Variants in MPPED2 observed in about 807,000 individuals in gnomAD.
MPPED2 encodes metallophosphoesterase domain containing 2.
Under a neutral mutation model 33.0 loss-of-function variants are expected in MPPED2, and 5 were observed. That is an observed-to-expected ratio of 0.15 (90% CI 0.08 to 0.32). MPPED2 has a LOEUF of 0.32. Among genes scored for constraint, MPPED2 ranks in the 10% least tolerant of loss-of-function variants. The pLI, the probability that MPPED2 is intolerant of heterozygous loss-of-function variation, is 1.00. For synonymous variants in MPPED2, 136 were observed against 141.9 expected (o/e 0.96, Z 0.29); for missense variants, 275 against 372.1 (o/e 0.74, Z 2.15).
intron 3 of MPPED2, among the ~76,000 whole-genome samples, chr11:30,534,527 T>A (rs1954704621): frequency 6.6e-6 from 1 of 152,202 alleles, no homozygotes; most frequent in Non-Finnish European, 1.5e-5. Context: ...TTAAATAACA[T>A]GATTAAGTAC....
In MPPED2 at chr11:30,533,353, G is replaced by C. The variant is rs1954634915; in HGVS notation, c.310+2641C>G. Among the ~76,000 whole-genome samples the C allele has an allele frequency of 3.9e-5, 6 of 152,256 alleles. No individual in the cohort carries two copies. The South Asian group carries it at 1.2e-3, about 32-fold the overall frequency. On this transcript the variant is annotated intron_variant, in intron 3 of 6. Coordinates refer to ENST00000358117, the MANE Select transcript of MPPED2 (RefSeq NM_001584.3). The stretch of plus-strand genomic sequence containing the variant: ...AATAAAGGAGCTTGGGGGACAGTCA[G>C]GTTGTTTTCAATAATCAGGGTAGTC...
At chr11:30,580,782 T>C (rs1229486876) in intron 1 of MPPED2, among the ~76,000 whole-genome samples, 3 of 152,212 alleles carry the variant, frequency 2.0e-5, no homozygotes, top group Non-Finnish European at 4.4e-5. Flanking sequence ...GGAAGGGGCA[T>C]ATCCACCGTT....
chr11:30,570,994 A>G (rs1024954782), intron 2 of MPPED2, among the ~76,000 whole-genome samples: 9 of 152,214 alleles, frequency 5.9e-5, no homozygotes, highest in Admixed American at 5.2e-4. Flanking sequence ...AGTAGAGTCC[A>G]TGTTTTGATG....
At chr11:30,524,705 C>T (rs1251327526) in intron 3 of MPPED2, among the ~76,000 whole-genome samples, 1 of 152,120 alleles carries the variant, frequency 6.6e-6, no homozygotes, top group Non-Finnish European at 1.5e-5. Flanking sequence ...GTCAGAAAGA[C>T]ACTCAGGAAG....
At chr11:30,517,623 C>T (rs1953606674) in intron 3 of MPPED2, among the ~76,000 whole-genome samples, 1 of 152,132 alleles carries the variant, frequency 6.6e-6, no homozygotes, top group Non-Finnish European at 1.5e-5. Context: ...TGTCCTTCCT[C>T]ATCCTGCATG....
intron 2 of MPPED2, among the ~76,000 whole-genome samples, chr11:30,562,999 T>C (rs147969932): frequency 2.6e-4 from 39 of 152,294 alleles, no homozygotes; most frequent in Middle Eastern, 3.4e-3. Flanking sequence ...ATTAATTTGT[T>C]CATCAATAAT....
intron 2 of MPPED2, among the ~76,000 whole-genome samples, chr11:30,564,908 G>A (rs866071542): frequency 6.6e-5 from 10 of 152,118 alleles, no homozygotes; most frequent in South Asian, 2.1e-4. Context: ...TCTGAGTAGC[G>A]TGGCTGTTCA....
chr11:30,452,536 G>C (rs1950106037), intron 4 of MPPED2, among the ~76,000 whole-genome samples: 1 of 152,216 alleles, frequency 6.6e-6, no homozygotes, highest in Non-Finnish European at 1.5e-5. Flanking sequence ...TGCAGTGTTT[G>C]TGAGAAATGA....
intron 2 of MPPED2, among the ~76,000 whole-genome samples, chr11:30,546,002 G>T (rs915753789): frequency 1.9e-4 from 29 of 152,088 alleles, no homozygotes; most frequent in African/African-American, 6.8e-4. Context: ...TGGGACTGCA[G>T]GTGTCTGCCA....
chr11:30,390,076 T>C (rs546697245), intron 6 of MPPED2, among the ~76,000 whole-genome samples: 1 of 152,258 alleles, frequency 6.6e-6, no homozygotes, highest in African/African-American at 2.4e-5. Context: ...TGCAGGCATC[T>C]AACTAGCATT....
At position 30,547,401 on chromosome 11, in the gene MPPED2, CA is replaced by C. The variant is rs149518330; in HGVS notation, c.129-11227del. ...ATATTTAGCAGTATTTACTATGTGC[CA>C]GGGGCTTTTTCTAAATTATTACCTT... On this transcript the variant is annotated intron_variant, in intron 2 of 6. Coordinates refer to ENST00000358117, the MANE Select transcript of MPPED2 (RefSeq NM_001584.3). Among the ~76,000 whole-genome samples, 84 of 152,260 alleles carry C rather than the reference CA, an allele frequency of 5.5e-4. 1 individual carries two copies. The East Asian group carries it at 0.015, about 28-fold the overall frequency.
chr11:30,499,591 C>T (rs1004792670), intron 3 of MPPED2, among the ~76,000 whole-genome samples: 1 of 152,168 alleles, frequency 6.6e-6, no homozygotes, highest in African/African-American at 2.4e-5. Context: ...TCTCTCTATA[C>T]ATTGAATCCT....
At chr11:30,565,069 G>C (rs1210621128) in intron 2 of MPPED2, among the ~76,000 whole-genome samples, 1 of 152,082 alleles carries the variant, frequency 6.6e-6, no homozygotes, top group African/African-American at 2.4e-5. Flanking sequence ...GAAAAAAATG[G>C]GTAGAGAAAT....
At chr11:30,514,884 G>A (rs943810399) in intron 3 of MPPED2, among the ~76,000 whole-genome samples, 13 of 152,160 alleles carry the variant, frequency 8.5e-5, no homozygotes, top group Admixed American at 3.9e-4. Flanking sequence ...CAGATCACTG[G>A]AGGTTAGGAG....
intron 2 of MPPED2, among the ~76,000 whole-genome samples, chr11:30,560,414 A>G (rs2134711543): frequency 6.6e-6 from 1 of 152,214 alleles, no homozygotes; most frequent in Non-Finnish European, 1.5e-5. Context: ...TACTCTTAGT[A>G]AGCAGAAGTT....
At chr11:30,423,111 C>A (rs571621607) in intron 4 of MPPED2, among the ~76,000 whole-genome samples, 2 of 152,110 alleles carry the variant, frequency 1.3e-5, no homozygotes, top group Non-Finnish European at 2.9e-5. Context: ...GTACACAGTA[C>A]GGTGGTGCAG....
chr11:30,569,178 G>A (rs1344780692), intron 2 of MPPED2, among the ~76,000 whole-genome samples: 1 of 151,902 alleles, frequency 6.6e-6, no homozygotes, highest in East Asian at 1.9e-4. Flanking sequence ...GCAAAACAGG[G>A]GAGCCATCCA....
intron 4 of MPPED2, among the ~76,000 whole-genome samples, chr11:30,475,632 C>A (rs1404530741): frequency 6.6e-6 from 1 of 152,118 alleles, no homozygotes; most frequent in East Asian, 1.9e-4. Context: ...TAGTATAGTT[C>A]ATTCCTTTTA....
At chr11:30,496,210 T>C (rs1459048619) in intron 3 of MPPED2, among the ~76,000 whole-genome samples, 2 of 152,204 alleles carry the variant, frequency 1.3e-5, no homozygotes, top group Non-Finnish European at 2.9e-5. Context: ...GTGTGCTTTT[T>C]ATGCAAAAGT....
Sources: gnomAD v4.1 joint callset for allele counts (sites outside exome capture counted in the v4.1 genomes callset) on GRCh38, gnomAD v4.1.1 for gene constraint, MANE v1.5 for transcripts, NCBI Gene and HGNC (gene_info 2026-07-23, HGNC 2026-07-21) for gene names.